Variants in RGS8 observed in about 807,000 individuals in gnomAD.
The protein encoded by RGS8 is regulator of G protein signaling 8.
RGS8 carries 8 observed loss-of-function variants against 21.7 expected under a neutral mutation model. The observed-to-expected ratio is 0.37, with a 90% CI of 0.22 to 0.66. RGS8 has a LOEUF of 0.66. Among genes scored for constraint, RGS8 ranks in the 30% least tolerant of loss-of-function variants. The pLI is 0.59. For synonymous variants in RGS8, 80 were observed against 83.6 expected (o/e 0.96, Z 0.24); for missense variants, 157 against 217.9 (o/e 0.72, Z 1.76).
At chr1:182,741,177 TGGG>T in the RGS8 span, among the ~76,000 whole-genome samples, 1 of 118,404 alleles carries the variant, frequency 8.4e-6, no homozygotes, top group Admixed American at 8.3e-5. Flanking sequence ...GCTGGCCGGG[TGGG>T]GGGCTGACCC....
the RGS8 span, among the ~76,000 whole-genome samples, chr1:182,724,076 G>A: frequency 2.1e-4 from 32 of 151,088 alleles, no homozygotes; most frequent in Admixed American, 5.9e-4. Context: ...GGAGATTAAC[G>A]TTTGAGTCAG....
At chr1:182,680,973 G>A (rs1477683002) in intron 1 of RGS8, among the ~76,000 whole-genome samples, 1 of 152,202 alleles carries the variant, frequency 6.6e-6, no homozygotes, top group Non-Finnish European at 1.5e-5. Flanking sequence ...CCTTGGCTTA[G>A]GACCTTGCCT....
At chr1:182,665,213 CT>C (rs1227376669) in intron 5 of RGS8, among the ~76,000 whole-genome samples, 4 of 152,196 alleles carry the variant, frequency 2.6e-5, no homozygotes, top group Non-Finnish European at 5.9e-5. Flanking sequence ...TTCCTCAACC[CT>C]GCTCTGCCTT....
At chr1:182,689,308 C>A (rs1664775026), upstream of RGS8, among the ~76,000 whole-genome samples, 2 of 149,396 alleles carry the variant, frequency 1.3e-5, no homozygotes, top group South Asian at 2.1e-4. Flanking sequence ...CACACACACC[C>A]CACAAGTGAA....
chr1:182,656,637 T>C (rs1257064247), intron 5 of RGS8, among the ~76,000 whole-genome samples: 1 of 152,182 alleles, frequency 6.6e-6, no homozygotes, highest in Non-Finnish European at 1.5e-5. Flanking sequence ...TGTGGTGGCC[T>C]GCATTTCCAG....
At chr1:182,686,365 G>A (rs6684268), upstream of RGS8, among the ~76,000 whole-genome samples, 9,479 of 152,176 alleles carry the variant, frequency 0.062, 470 homozygotes, top group African/African-American at 0.14. Context: ...AGTGGAGAGG[G>A]ATTGGAGGCA....
chr1:182,748,451 G>A, the RGS8 span, among the ~76,000 whole-genome samples: 4 of 152,138 alleles, frequency 2.6e-5, no homozygotes, highest in South Asian at 8.3e-4. Flanking sequence ...TTCTTTTTAT[G>A]GCTGAATAAT....
intron 1 of RGS8, among the ~76,000 whole-genome samples, chr1:182,678,148 A>G (rs1199249844): frequency 1.3e-5 from 2 of 152,230 alleles, no homozygotes; most frequent in Non-Finnish European, 2.9e-5. Flanking sequence ...TTTTAGAGGT[A>G]TACTCTGAAA....
the RGS8 span, among the ~76,000 whole-genome samples, chr1:182,751,559 C>T: frequency 5.9e-5 from 9 of 152,260 alleles, 2 homozygotes; most frequent in African/African-American, 2.2e-4. Flanking sequence ...AGAGCTGTGG[C>T]TCAGAGGAGC....
upstream of RGS8, among the ~76,000 whole-genome samples, chr1:182,686,057 C>T (rs1353746805): frequency 2.0e-5 from 3 of 152,182 alleles, no homozygotes; most frequent in Non-Finnish European, 4.4e-5. Flanking sequence ...CCTCTGGACA[C>T]AACCTGCACC....
At chr1:182,679,291 C>T (rs1159818505) in intron 1 of RGS8, among the ~76,000 whole-genome samples, 1 of 152,138 alleles carries the variant, frequency 6.6e-6, no homozygotes, top group Non-Finnish European at 1.5e-5. Context: ...CCACCATTCC[C>T]CCGAAACACA....
At chr1:182,710,388 C>A in the RGS8 span, among the ~76,000 whole-genome samples, 1 of 152,176 alleles carries the variant, frequency 6.6e-6, no homozygotes, top group Non-Finnish European at 1.5e-5. Flanking sequence ...TCTCCCACAG[C>A]CTCTACTTGT....
At chr1:182,704,849 T>C in the RGS8 span, among the ~76,000 whole-genome samples, 1 of 152,152 alleles carries the variant, frequency 6.6e-6, no homozygotes, top group Non-Finnish European at 1.5e-5. Context: ...AGGGCCAACA[T>C]TGTCACTATC....
chr1:182,734,213 G>A, the RGS8 span, among the ~76,000 whole-genome samples: 1 of 152,122 alleles, frequency 6.6e-6, no homozygotes, highest in Non-Finnish European at 1.5e-5. Context: ...GAGCCACCGT[G>A]CCTGGCCCCA....
At chr1:182,725,027 G>A in the RGS8 span, among the ~76,000 whole-genome samples, 1 of 152,116 alleles carries the variant, frequency 6.6e-6, no homozygotes, top group African/African-American at 2.4e-5. Context: ...AGAGGGAAAG[G>A]CTGATGGGTT....
At chr1:182,648,965 T>C (rs1000709693) in intron 5 of RGS8, among the ~76,000 whole-genome samples, 3 of 151,984 alleles carry the variant, frequency 2.0e-5, no homozygotes, top group Non-Finnish European at 2.9e-5. Context: ...CTGGGTGTGG[T>C]GGTGCATGCT....
chr1:182,739,846 T>G, the RGS8 span, among the ~76,000 whole-genome samples: 1 of 152,204 alleles, frequency 6.6e-6, no homozygotes, highest in East Asian at 1.9e-4. Context: ...ACCAGAGAGC[T>G]CTGAGTCTTC....
the RGS8 span, among the ~76,000 whole-genome samples, chr1:182,741,303 G>A: frequency 3.3e-4 from 4 of 12,228 alleles, no homozygotes; most frequent in Non-Finnish European, 8.1e-4. Context: ...GGCTGGCCGG[G>A]TGGGGGGCTG....
intron 5 of RGS8, among the ~76,000 whole-genome samples, chr1:182,658,019 T>C (rs1663370071): frequency 6.6e-6 from 1 of 152,224 alleles, no homozygotes; most frequent in African/African-American, 2.4e-5. Context: ...TGTACGACCC[T>C]TCAAGAAGTC....
Sources: allele counts gnomAD v4.1 joint callset (sites outside exome capture counted in the v4.1 genomes callset), GRCh38; gene constraint gnomAD v4.1.1; transcripts MANE v1.5; gene names NCBI Gene and HGNC (gene_info 2026-07-23, HGNC 2026-07-21).